Variants in ERC2 observed in about 807,000 individuals in gnomAD.
The protein encoded by ERC2 is ELKS/RAB6-interacting/CAST family member 2.
A neutral mutation model predicts 114.8 loss-of-function variants in ERC2; 42 were observed. That is an observed-to-expected ratio of 0.37 (90% CI 0.29 to 0.47). ERC2 has a LOEUF of 0.47. Ranked by LOEUF, ERC2 falls within the 20% of genes least tolerant of loss-of-function variation. The pLI is 0.99. For missense variants in ERC2, 939 were observed against 1,150.7 expected (o/e 0.82, Z 2.66); for synonymous variants, 454 against 425.5 (o/e 1.07, Z -0.82).
At chr3:55,999,483 T>C (rs1252492610) in intron 10 of ERC2, among the ~76,000 whole-genome samples, 1 of 152,120 alleles carries the variant, frequency 6.6e-6, no homozygotes, top group Admixed American at 6.6e-5. Flanking sequence ...GAATTGACTA[T>C]AAAATTATCT....
chr3:55,919,159 G>A (rs920895619), intron 13 of ERC2, among the ~76,000 whole-genome samples: 36 of 152,142 alleles, frequency 2.4e-4, no homozygotes, highest in African/African-American at 8.2e-4. Flanking sequence ...TGGGAGGATT[G>A]CTTGAGGCCA....
chr3:55,742,765 G>A (rs2066047633), intron 14 of ERC2, among the ~76,000 whole-genome samples: 1 of 152,196 alleles, frequency 6.6e-6, no homozygotes, highest in African/African-American at 2.4e-5. Context: ...CACCCTTGGG[G>A]TGAGGGTTGG....
At chr3:56,294,151 T>A (rs2055278075) in intron 3 of ERC2, among the ~76,000 whole-genome samples, 1 of 152,272 alleles carries the variant, frequency 6.6e-6, no homozygotes, top group Non-Finnish European at 1.5e-5. Flanking sequence ...TTGTTGCTCC[T>A]CTTCTGTAAA....
chr3:55,928,741 C>G (rs2873080), intron 13 of ERC2, among the ~76,000 whole-genome samples: 93,549 of 152,014 alleles, frequency 0.62, 29,594 homozygotes, highest in Non-Finnish European at 0.66. Context: ...CATAGTTTGA[C>G]AACTTAGATT....
chr3:56,062,038 G>A (rs577088535), intron 7 of ERC2, among the ~76,000 whole-genome samples: 1 of 152,140 alleles, frequency 6.6e-6, no homozygotes, highest in Admixed American at 6.5e-5. Context: ...CCTTGTTAAT[G>A]TTAAATGTTT....
At chr3:56,053,952 G>A (rs1442537975) in intron 7 of ERC2, among the ~76,000 whole-genome samples, 1 of 152,110 alleles carries the variant, frequency 6.6e-6, no homozygotes, top group African/African-American at 2.4e-5. Context: ...CAGACCAGCT[G>A]CAGCTCATGG....
At chr3:56,049,722 C>T (rs150215994) in intron 7 of ERC2, among the ~76,000 whole-genome samples, 12 of 152,258 alleles carry the variant, frequency 7.9e-5, no homozygotes, top group Non-Finnish European at 1.8e-4. Context: ...AGCTTTGGGA[C>T]TCACACTGGC....
At chr3:55,664,314 C>G (rs2061266482) in intron 17 of ERC2, among the ~76,000 whole-genome samples, 1 of 152,140 alleles carries the variant, frequency 6.6e-6, no homozygotes, top group Admixed American at 6.5e-5. Context: ...TACAAACCTT[C>G]TAAGTTCCAC....
In ERC2 at chr3:56,223,178, C is replaced by A. The variant is rs1218479738; in HGVS notation, c.1075-49658G>T. 3.3e-5 allele frequency among the ~76,000 whole-genome samples: 5 copies of A among 152,154 alleles called. No individual in the cohort carries two copies. The East Asian group carries it at 9.6e-4, about 29-fold the overall frequency. ...TGGACTGTCCTCATCTCTTCATGTT[C>A]CATTTTTCAAAGGAATCTTTGTTTC... is the stretch of plus-strand genomic sequence containing the variant. On this transcript the variant is annotated intron_variant, in intron 3 of 17. Coordinates refer to ENST00000288221, the MANE Select transcript of ERC2 (RefSeq NM_015576.3).
intron 13 of ERC2, among the ~76,000 whole-genome samples, chr3:55,910,871 G>A (rs977055628): frequency 6.6e-6 from 1 of 152,172 alleles, no homozygotes; most frequent in Middle Eastern, 3.2e-3. Flanking sequence ...AACATCTGTT[G>A]TAAGGATTAA....
intron 3 of ERC2, among the ~76,000 whole-genome samples, chr3:56,204,584 A>G (rs550028711): frequency 6.6e-6 from 1 of 151,146 alleles, no homozygotes; most frequent in East Asian, 2.0e-4. Flanking sequence ...GCTCACTGCA[A>G]CTCTGCCTCT....
intron 3 of ERC2, among the ~76,000 whole-genome samples, chr3:56,271,386 T>C (rs556484107): frequency 8.8e-4 from 134 of 152,314 alleles, no homozygotes; most frequent in Non-Finnish European, 1.5e-3. Flanking sequence ...TTCAAGTAAG[T>C]AGGAGTCTCT....
At chr3:55,524,697 G>C (rs1467898544) in intron 17 of ERC2, among the ~76,000 whole-genome samples, 2 of 152,116 alleles carry the variant, frequency 1.3e-5, no homozygotes, top group Non-Finnish European at 2.9e-5. Flanking sequence ...GTAAATGTGA[G>C]CAAGCTCACT....
At chr3:56,283,281 C>T (rs1391528508) in intron 3 of ERC2, among the ~76,000 whole-genome samples, 1 of 152,134 alleles carries the variant, frequency 6.6e-6, no homozygotes, top group Non-Finnish European at 1.5e-5. Context: ...GCAACAGAGA[C>T]CACTGACAGG....
intron 2 of ERC2, among the ~76,000 whole-genome samples, chr3:56,389,168 G>A (rs2060041316): frequency 1.3e-5 from 2 of 152,162 alleles, no homozygotes; most frequent in Admixed American, 1.3e-4. Context: ...ATAGCTGTTA[G>A]GTTGAAAGTA....
intron 13 of ERC2, among the ~76,000 whole-genome samples, chr3:55,942,598 G>A (rs956161891): frequency 1.3e-5 from 2 of 151,112 alleles, no homozygotes; most frequent in Non-Finnish European, 2.9e-5. Context: ...CGCCCGGCCC[G>A]TCTAAGGTCC....
At chr3:55,842,210 G>C (rs2061164610) in intron 14 of ERC2, among the ~76,000 whole-genome samples, 2 of 152,154 alleles carry the variant, frequency 1.3e-5, no homozygotes, top group African/African-American at 4.8e-5. Context: ...TCAAACTCAG[G>C]TTGGCTAATT....
intron 13 of ERC2, among the ~76,000 whole-genome samples, chr3:55,949,656 A>G (rs370873878): frequency 2.6e-5 from 4 of 152,246 alleles, no homozygotes; most frequent in Admixed American, 6.5e-5. Context: ...AACTTCTCCT[A>G]TCTCCAAGGA....
rs113636600 is a variant in ERC2, at chr3:55,796,930, AT to A, written c.2565-62013del. On this transcript the variant is annotated intron_variant, in intron 14 of 17. Coordinates refer to ENST00000288221, the MANE Select transcript of ERC2 (RefSeq NM_015576.3). ...AACCAAAAGGGGAAACAAAAAGGCC[AT>A]TTTTTTTCCCACATATGTGAGAGCA... Among the ~76,000 whole-genome samples the A allele has an allele frequency of 5.2e-3, 793 of 152,186 alleles. 6 individuals are homozygous for A. Among genetic ancestry groups the A allele is most frequent in the African/African-American group, 0.018 (743 of 41,516 alleles).
Sources: gnomAD v4.1 joint callset for allele counts (sites outside exome capture counted in the v4.1 genomes callset) on GRCh38, gnomAD v4.1.1 for gene constraint, MANE v1.5 for transcripts, NCBI Gene and HGNC (gene_info 2026-07-23, HGNC 2026-07-21) for gene names.